LVRN: variants seen among roughly 807,000 people sequenced by gnomAD.
LVRN encodes aminopeptidase Q.
Under a neutral mutation model 111.4 loss-of-function variants are expected in LVRN, and 99 were observed. The observed-to-expected ratio is 0.89, with a 90% CI of 0.76 to 1.05. LVRN has a LOEUF of 1.05. LVRN is among the 50% of genes least tolerant of loss of function. LVRN has a pLI of 0.00. For synonymous variants in LVRN, 488 were observed against 449.5 expected (o/e 1.09, Z -1.08); for missense variants, 1,414 against 1,206.8 (o/e 1.17, Z -2.54).
Position 115,992,282 on chromosome 5 carries a change from G to T in LVRN, c.1260+5G>T, listed in dbSNP as rs553023548. The stretch of plus-strand genomic sequence containing the variant: ...TCCCACGAGATTGGACACCAGGCAT[G>T]TGGTAAAATGTTCTTTTTATTTCAC... On this transcript the variant is annotated splice_donor_5th_base_variant and intron_variant, in intron 5 of 19. Coordinates refer to ENST00000357872, the MANE Select transcript of LVRN (RefSeq NM_173800.5). 1 of 1,613,214 alleles carries T rather than the reference G, an allele frequency of 6.2e-7. No homozygotes were observed. Among genetic ancestry groups the T allele is most frequent in the African/African-American group, 1.3e-5 (1 of 74,964 alleles).
intron 14 of LVRN, among the ~76,000 whole-genome samples, chr5:116,011,255 C>T (rs1424460073): frequency 6.6e-6 from 1 of 150,706 alleles, no homozygotes; most frequent in Non-Finnish European, 1.5e-5. Context: ...GATTGTTAGG[C>T]AGCCAGAATG....
At position 116,015,682 on chromosome 5, in the gene LVRN, A is replaced by G; in HGVS notation, c.2673A>G (p.Ile891Met). 6.2e-7 allele frequency: 1 copy of G among 1,613,380 alleles called. No individual in the cohort carries two copies. The highest frequency in any genetic ancestry group is 8.5e-7 in the Non-Finnish European group (1 of 1,179,544). Residue 891 changes from isoleucine (I) to methionine (M), a missense_variant, in exon 18 of 20, where the codon ATA becomes ATG. Transcript: ENST00000357872. ...CATTCACTTCTAATGAAACAAATAT[A>G]ATTGAGGTTGTGGCTTCATCTGAAG... Reference protein sequence around the residue: ...TSPFTSNETNIIEVVASSEVG... With the variant: ...TSPFTSNETNMIEVVASSEVG...
At chr5:116,008,759 T>G (rs1748429914) in intron 13 of LVRN, among the ~76,000 whole-genome samples, 1 of 151,886 alleles carries the variant, frequency 6.6e-6, no homozygotes, top group Non-Finnish European at 1.5e-5. Context: ...CTAAGAGAGG[T>G]GAGGAAGGTG....
At chr5:116,021,431 AAC>A (rs1241852169) in intron 18 of LVRN, 4 of 152,554 alleles carry the variant, frequency 2.6e-5, no homozygotes, top group African/African-American at 9.6e-5. Context: ...TCTTCATAGA[AAC>A]AGTTTCGCTT....
At position 115,984,517 on chromosome 5, in the gene LVRN, G is replaced by T; in HGVS notation, c.839-53G>T. The T allele has an allele frequency of 1.9e-6, 3 of 1,589,702 alleles. No homozygotes were observed. The East Asian group carries it at 6.8e-5, about 36-fold the overall frequency. The stretch of plus-strand genomic sequence containing the variant: ...AATTGACTTGACAAATTATTTCAAA[G>T]ACATGTAATTGCTTAGATTTGCTGT... On this transcript the variant is annotated intron_variant, in intron 2 of 19. Transcript: ENST00000357872.
chr5:116,015,419 G>A lies in LVRN; in HGVS notation c.2618G>A (p.Arg873Lys). 2 of 1,527,228 alleles carry A rather than the reference G, an allele frequency of 1.3e-6. No individual in the cohort carries two copies. Among genetic ancestry groups the A allele is most frequent in the East Asian group, 2.3e-5 (1 of 43,696 alleles). The allele number at this position is 1,527,228 out of a possible 1,614,324, so 94.6% of individuals were successfully genotyped here. ...SCSKDPWILN[R>K]YMEYAISTSP... ...AGCAAAGACCCATGGATACTTAACAGGTGATTATGGTCAACTTACCTTGAA... is the reference window on the plus strand; with the variant it reads ...AGCAAAGACCCATGGATACTTAACAAGTGATTATGGTCAACTTACCTTGAA... The change falls in exon 17 of 20, where the codon AGA (arginine) becomes AAA (lysine). Residue 873 changes from arginine (R) to lysine (K), a missense_variant and splice_region_variant. Arg to Lys is a conservative substitution (Grantham distance 26). Coordinates refer to ENST00000357872, the MANE Select transcript of LVRN (RefSeq NM_173800.5).
At chr5:115,978,809 C>T (rs547555940) in intron 1 of LVRN, among the ~76,000 whole-genome samples, 1 of 152,182 alleles carries the variant, frequency 6.6e-6, no homozygotes, top group Non-Finnish European at 1.5e-5. Context: ...CCACGGGAGT[C>T]CATGGGGCTG....
chr5:116,025,997 A>T lies in LVRN; in HGVS notation c.2852A>T (p.Asn951Ile). Residue 951 changes from asparagine to isoleucine, a missense_variant, in exon 20 of 20, where the codon AAC (asparagine) becomes ATC (isoleucine). Transcript: ENST00000357872. Reference sequence around the variant, plus strand: ...TTCCAGCTGCAGCAGTTTTTCAGTAACATGTTGGAGGAACACCAGAGGATC... The same window carrying T: ...TTCCAGCTGCAGCAGTTTTTCAGTATCATGTTGGAGGAACACCAGAGGATC... ...QIVELQQFFS[N>I]MLEEHQRIRV... 2 of 1,613,842 alleles carry T rather than the reference A, an allele frequency of 1.2e-6. No homozygotes were observed. The highest frequency in any genetic ancestry group is 1.7e-6 in the Non-Finnish European group (2 of 1,179,834).
chr5:116,005,532 G>A (rs1337842415), intron 12 of LVRN, among the ~76,000 whole-genome samples: 2 of 152,190 alleles, frequency 1.3e-5, no homozygotes, highest in African/African-American at 2.4e-5. Flanking sequence ...TTATTTAAGG[G>A]CTTCTATGCC....
chr5:116,015,872 A>G lies in LVRN; in HGVS notation c.2756+107A>G, dbSNP rs1020269338. ...TCAGCTTTAGTCTAGCTAGGCCACA[A>G]ACGTCCTTTGCATTGACTAGAAAAG... is the stretch of plus-strand genomic sequence containing the variant. On this transcript the variant is annotated intron_variant, in intron 18 of 19. Coordinates refer to ENST00000357872, the MANE Select transcript of LVRN (RefSeq NM_173800.5). 7.3e-6 allele frequency: 10 copies of G among 1,366,666 alleles called. No individual in the cohort carries two copies. The African/African-American group carries it at 8.9e-5, about 12-fold the overall frequency. 84.7% of individuals were successfully genotyped at this position (1,366,666 alleles called of 1,614,324 possible).
intron 19 of LVRN, 109 bp downstream of exon 19, chr5:116,022,575 C>T: frequency 2.7e-6 from 2 of 754,146 alleles, no homozygotes; most frequent in Non-Finnish European, 4.5e-6. Flanking sequence ...TTATTACATT[C>T]TATGCTTCTA....
intron 5 of LVRN, among the ~76,000 whole-genome samples, chr5:115,992,953 G>A (rs531817595): frequency 2.7e-4 from 41 of 151,932 alleles, no homozygotes; most frequent in Middle Eastern, 3.4e-3. Context: ...AAGAAGTTTT[G>A]GAAAAGAGCA....
At chr5:115,992,312 A>G in intron 5 of LVRN, 35 bp downstream of exon 5, 1 of 1,612,030 alleles carries the variant, frequency 6.2e-7, no homozygotes, top group Non-Finnish European at 8.5e-7. Context: ...TTTCACTTGA[A>G]GTTATTCTCC....
chr5:116,025,951 T>C (rs1442277822), intron 19 of LVRN, 27 bp from the exon 20 acceptor site: 8 of 1,612,406 alleles, frequency 5.0e-6, no homozygotes, highest in Non-Finnish European at 6.8e-6. Flanking sequence ...TGGATTGCAC[T>C]GATCATCTGT....
intron 6 of LVRN, among the ~76,000 whole-genome samples, chr5:115,994,230 C>T (rs1484249528): frequency 6.6e-6 from 1 of 152,044 alleles, no homozygotes; most frequent in Non-Finnish European, 1.5e-5. Flanking sequence ...ACATATATTT[C>T]TTAGTCCTGC....
chr5:116,002,982 G>C, intron 11 of LVRN, 71 bp downstream of exon 11: 1 of 1,291,332 alleles, frequency 7.7e-7, no homozygotes, highest in Non-Finnish European at 1.1e-6. Context: ...ATATTGAAAA[G>C]TCTAGCTTTT....
At chr5:115,973,149 C>G (rs981193926) in intron 1 of LVRN, among the ~76,000 whole-genome samples, 1 of 152,140 alleles carries the variant, frequency 6.6e-6, no homozygotes, top group Non-Finnish European at 1.5e-5. Context: ...AGGCTGGTCT[C>G]AAACTCCTGA....
intron 13 of LVRN, among the ~76,000 whole-genome samples, chr5:116,009,879 C>T (rs995515194): frequency 2.6e-5 from 4 of 152,250 alleles, no homozygotes; most frequent in Middle Eastern, 3.4e-3. Flanking sequence ...GAGAATATTA[C>T]GTATACTTAG....
At chr5:115,969,255 C>T (rs112793072) in intron 1 of LVRN, among the ~76,000 whole-genome samples, 11 of 152,192 alleles carry the variant, frequency 7.2e-5, no homozygotes, top group Non-Finnish European at 1.3e-4. Context: ...GAAAAACTTT[C>T]AACCATTATT....
Sources: allele counts gnomAD v4.1 joint callset (sites outside exome capture counted in the v4.1 genomes callset), GRCh38; gene constraint gnomAD v4.1.1; transcripts MANE v1.5; gene names NCBI Gene and HGNC (gene_info 2026-07-23, HGNC 2026-07-21).